Variants in GRID2 observed in about 807,000 individuals in gnomAD.
GRID2 encodes glutamate ionotropic receptor delta type subunit 2, also known as glutamate receptor ionotropic, delta-2.
A neutral mutation model predicts 114.8 loss-of-function variants in GRID2; 33 were observed. The ratio of observed to expected loss-of-function variants is 0.29; its 90% CI spans 0.22 to 0.38. The LOEUF is 0.38. GRID2 is among the 10% of genes least tolerant of loss of function. The pLI is 1.00. For missense variants in GRID2, 1,184 were observed against 1,257.7 expected, an observed-to-expected ratio of 0.94 and a Z score of 0.89; for synonymous variants, 505 against 449.9, an observed-to-expected ratio of 1.12 and a Z score of -1.55.
At chr4:93,616,574 TTTTATAA>T (rs1223344348) in intron 13 of GRID2, among the ~76,000 whole-genome samples, 3 of 106,274 alleles carry the variant, frequency 2.8e-5, no homozygotes, top group East Asian at 5.9e-4. Flanking sequence ...AAATATTTAT[TTTTATAA>T]ATATTTATAA....
intron 2 of GRID2, among the ~76,000 whole-genome samples, chr4:92,740,769 T>C (rs142187630): frequency 6.6e-6 from 1 of 151,866 alleles, no homozygotes; most frequent in Admixed American, 6.6e-5. Context: ...GATAGATAGA[T>C]AGAGTTTCAC....
intron 2 of GRID2, among the ~76,000 whole-genome samples, chr4:92,776,867 C>T (rs1272736143): frequency 6.6e-6 from 1 of 151,516 alleles, no homozygotes; most frequent in Non-Finnish European, 1.5e-5. Context: ...CTGATAAGAA[C>T]TAAAGAAATG....
At chr4:93,487,856 G>C (rs952196537) in intron 11 of GRID2, among the ~76,000 whole-genome samples, 3 of 151,780 alleles carry the variant, frequency 2.0e-5, no homozygotes, top group African/African-American at 7.3e-5. Flanking sequence ...GTTCTGAATG[G>C]CTTCATCCAC....
intron 2 of GRID2, among the ~76,000 whole-genome samples, chr4:92,924,165 C>T (rs994824412): frequency 5.9e-5 from 9 of 152,066 alleles, no homozygotes; most frequent in African/African-American, 1.9e-4. Context: ...AACCAAACAC[C>T]ACATGTTCTC....
chr4:93,152,993 C>T (rs1736866339), intron 4 of GRID2, among the ~76,000 whole-genome samples: 2 of 151,968 alleles, frequency 1.3e-5, no homozygotes, highest in Admixed American at 1.3e-4. Context: ...GTCCTATTAA[C>T]ATTTGTTGTA....
At chr4:92,449,676 GAT>G (rs371209786) in intron 1 of GRID2, among the ~76,000 whole-genome samples, 35,485 of 96,344 alleles carry the variant, frequency 0.37, 5,532 homozygotes, top group Admixed American at 0.52. Context: ...TTTTCTTACT[GAT>G]ATATATATAT....
intron 2 of GRID2, among the ~76,000 whole-genome samples, chr4:92,633,123 C>T (rs1406024002): frequency 6.6e-6 from 1 of 152,050 alleles, no homozygotes; most frequent in Non-Finnish European, 1.5e-5. Context: ...GAACCCAGGG[C>T]CATAAGCTCT....
chr4:92,592,512 G>T (rs1728752636), intron 2 of GRID2, among the ~76,000 whole-genome samples: 1 of 151,602 alleles, frequency 6.6e-6, no homozygotes, highest in Non-Finnish European at 1.5e-5. Context: ...TAATTATTCT[G>T]CTGCCAGCTA....
At chr4:92,815,712 A>C (rs933136088) in intron 2 of GRID2, among the ~76,000 whole-genome samples, 2 of 151,772 alleles carry the variant, frequency 1.3e-5, no homozygotes, top group African/African-American at 4.8e-5. Context: ...AAGGAGTTCA[A>C]TACCAGCCTG....
intron 2 of GRID2, among the ~76,000 whole-genome samples, chr4:92,671,924 G>T (rs1276231340): frequency 1.3e-5 from 2 of 151,982 alleles, no homozygotes; most frequent in African/African-American, 2.4e-5. Context: ...CAGACCATAT[G>T]GTTTCAGGAT....
chr4:93,798,878 A>C (rs1578801017), intron 1 of GRID2, among the ~76,000 whole-genome samples: 1 of 152,306 alleles, frequency 6.6e-6, no homozygotes, highest in East Asian at 1.9e-4. Context: ...CTTATTATGC[A>C]GCACGCTAGG....
intron 14 of GRID2, among the ~76,000 whole-genome samples, chr4:93,760,617 TC>T (rs751430955): frequency 1.6e-4 from 25 of 152,290 alleles, no homozygotes; most frequent in Middle Eastern, 3.4e-3. Flanking sequence ...TGATCCCATC[TC>T]CCAGGTCCAG....
At chr4:93,162,658 T>C (rs1737794257) in intron 4 of GRID2, among the ~76,000 whole-genome samples, 1 of 152,036 alleles carries the variant, frequency 6.6e-6, no homozygotes. Context: ...GAATCATTTT[T>C]GTCTGTTACA....
At chr4:93,208,174 T>C (rs1743031575) in intron 5 of GRID2, among the ~76,000 whole-genome samples, 1 of 152,088 alleles carries the variant, frequency 6.6e-6, no homozygotes, top group East Asian at 1.9e-4. Flanking sequence ...AATAATGTAA[T>C]ATTTACTTAT....
chr4:92,930,641 CA>C (rs1430239861), intron 2 of GRID2, among the ~76,000 whole-genome samples: 4 of 134,844 alleles, frequency 3.0e-5, no homozygotes, highest in African/African-American at 1.1e-4. Flanking sequence ...TGTGAAGCAT[CA>C]AAAGACTTAT....
At chr4:93,170,946 C>T (rs1489682201) in intron 4 of GRID2, among the ~76,000 whole-genome samples, 1 of 151,794 alleles carries the variant, frequency 6.6e-6, no homozygotes, top group East Asian at 1.9e-4. Flanking sequence ...CTCGGTACTT[C>T]AGCACTACTG....
intron 1 of GRID2, among the ~76,000 whole-genome samples, chr4:92,502,031 A>G (rs1383808471): frequency 6.6e-6 from 1 of 152,170 alleles, no homozygotes; most frequent in East Asian, 1.9e-4. Context: ...AGAGTAGCTT[A>G]ACTAATATAT....
chr4:92,313,907 G>C (rs1298980715), intron 1 of GRID2, among the ~76,000 whole-genome samples: 1 of 152,056 alleles, frequency 6.6e-6, no homozygotes, highest in African/African-American at 2.4e-5. Context: ...TGGTAAGGAA[G>C]GGGATATTAG....
chr4:92,642,042 C>A (rs765587046), intron 2 of GRID2, among the ~76,000 whole-genome samples: 1 of 151,122 alleles, frequency 6.6e-6, no homozygotes, highest in Non-Finnish European at 1.5e-5. Flanking sequence ...TTGATAGGCG[C>A]CTAGGTTGAT....
Sources: allele counts gnomAD v4.1 joint callset (sites outside exome capture counted in the v4.1 genomes callset), GRCh38; gene constraint gnomAD v4.1.1; transcripts MANE v1.5; gene names NCBI Gene and HGNC (gene_info 2026-07-23, HGNC 2026-07-21).